Variants in RANBP17 observed in about 807,000 individuals in gnomAD.
RANBP17 encodes ran-binding protein 17.
A neutral mutation model predicts 141.2 loss-of-function variants in RANBP17; 158 were observed. The ratio of observed to expected loss-of-function variants is 1.12; its 90% CI spans 0.98 to 1.28. RANBP17 has a LOEUF of 1.28. Ranked by LOEUF, RANBP17 falls within the 50% of genes most tolerant of loss-of-function variation. RANBP17 has a pLI of 0.00. For missense variants in RANBP17, 1,438 were observed against 1,290.7 expected (o/e 1.11, Z -1.75); for synonymous variants, 430 against 450.0 (o/e 0.96, Z 0.56).
intron 14 of RANBP17, among the ~76,000 whole-genome samples, chr5:171,155,087 A>AT: frequency 1.8e-5 from 2 of 109,448 alleles, no homozygotes; most frequent in African/African-American, 7.2e-5. Context: ...AGAAAAAAAA[A>AT]AAAAAAAATA....
intron 12 of RANBP17, among the ~76,000 whole-genome samples, chr5:170,929,265 T>C (rs1351887940): frequency 6.6e-6 from 1 of 152,022 alleles, no homozygotes; most frequent in African/African-American, 2.4e-5. Context: ...TCCAGTACAG[T>C]GTTGAATAAA....
intron 21 of RANBP17, among the ~76,000 whole-genome samples, chr5:171,214,993 C>G (rs1763131285): frequency 6.6e-6 from 1 of 152,038 alleles, no homozygotes; most frequent in South Asian, 2.1e-4. Context: ...CAACCCAACC[C>G]ATCACCTAGG....
At chr5:171,226,086 A>G (rs1015756305) in intron 22 of RANBP17, among the ~76,000 whole-genome samples, 7 of 152,216 alleles carry the variant, frequency 4.6e-5, no homozygotes, top group Non-Finnish European at 7.3e-5. Context: ...ATGTATTTCA[A>G]AACTTAGTGC....
Position 170,896,124 on chromosome 5 carries a change from G to A in RANBP17, c.489+9G>A, listed in dbSNP as rs1206192062. The A allele has an allele frequency of 1.3e-6, 2 of 1,591,298 alleles. No individual in the cohort carries two copies. The highest frequency in any genetic ancestry group is 1.7e-6 in the Non-Finnish European group (2 of 1,164,408). ...CTCAGGAAATGAACCTGGTAAGCGAGCCTTTCCATCTAACAGGAGCCTGAG... is the reference window on the plus strand; with the variant it reads ...CTCAGGAAATGAACCTGGTAAGCGAACCTTTCCATCTAACAGGAGCCTGAG... On this transcript the variant is annotated intron_variant, in intron 5 of 27. Transcript: ENST00000523189.
chr5:171,062,153 A>G (rs1429549062), intron 14 of RANBP17, among the ~76,000 whole-genome samples: 2 of 151,740 alleles, frequency 1.3e-5, no homozygotes, highest in Non-Finnish European at 2.9e-5. Context: ...CATTTAGTCC[A>G]TTTACATTTA....
intron 22 of RANBP17, among the ~76,000 whole-genome samples, chr5:171,233,690 G>C (rs1207132463): frequency 6.6e-6 from 1 of 152,216 alleles, no homozygotes; most frequent in African/African-American, 2.4e-5. Flanking sequence ...TTCTGGAAAA[G>C]GGAAAACTAT....
At position 171,111,693 on chromosome 5, in the gene RANBP17, G is replaced by T. The variant is rs539164568; in HGVS notation, c.1711-58437G>T. 5.9e-5 allele frequency among the ~76,000 whole-genome samples: 9 copies of T among 152,172 alleles called. No homozygotes were observed. In the South Asian group the frequency reaches 1.9e-3, roughly 32 times the overall value. On this transcript the variant is annotated intron_variant, in intron 14 of 27. Coordinates refer to ENST00000523189, the MANE Select transcript of RANBP17 (RefSeq NM_022897.5). ...TTGATGTGCTCCTTCACTACTTTTG[G>T]GCCCTCCTACATGCTCTTCCTTTTC...
intron 14 of RANBP17, among the ~76,000 whole-genome samples, chr5:171,167,487 A>G (rs1002309116): frequency 2.6e-5 from 4 of 152,176 alleles, no homozygotes; most frequent in African/African-American, 9.6e-5. Context: ...GTAATTTGAG[A>G]TAATGCCATG....
intron 14 of RANBP17, among the ~76,000 whole-genome samples, chr5:171,012,353 T>G (rs1581393940): frequency 6.6e-6 from 1 of 152,176 alleles, no homozygotes; most frequent in East Asian, 1.9e-4. Flanking sequence ...ATGAAGGAAA[T>G]GAACTGATAT....
At chr5:171,092,977 T>A (rs1038028256) in intron 14 of RANBP17, among the ~76,000 whole-genome samples, 8 of 152,222 alleles carry the variant, frequency 5.3e-5, no homozygotes, top group African/African-American at 1.9e-4. Flanking sequence ...GCCTGTGAAT[T>A]TGTGGGAAGA....
intron 4 of RANBP17, among the ~76,000 whole-genome samples, chr5:170,894,668 G>A (rs765625319): frequency 5.3e-5 from 8 of 151,742 alleles, no homozygotes; most frequent in Non-Finnish European, 1.0e-4. Context: ...CTGAACTTTT[G>A]TGCATTCTCT....
At chr5:170,987,013 T>A (rs1418900710) in intron 14 of RANBP17, among the ~76,000 whole-genome samples, 1 of 151,890 alleles carries the variant, frequency 6.6e-6, no homozygotes, top group Admixed American at 6.6e-5. Flanking sequence ...AACTTGTATG[T>A]TTGTATTTGA....
chr5:171,285,723 A>G (rs749544286), intron 25 of RANBP17, among the ~76,000 whole-genome samples: 46 of 152,228 alleles, frequency 3.0e-4, no homozygotes, highest in Non-Finnish European at 5.1e-4. Flanking sequence ...AGATTCAGGA[A>G]TGAGACTCAC....
At chr5:171,201,247 T>C (rs1561758318) in intron 19 of RANBP17, among the ~76,000 whole-genome samples, 2 of 152,150 alleles carry the variant, frequency 1.3e-5, no homozygotes, top group Non-Finnish European at 2.9e-5. Flanking sequence ...TTGATTACAC[T>C]TTAACGGTAT....
intron 12 of RANBP17, among the ~76,000 whole-genome samples, chr5:170,934,055 C>T (rs545299865): frequency 6.6e-6 from 1 of 152,212 alleles, no homozygotes; most frequent in East Asian, 1.9e-4. Flanking sequence ...GTCTAAGTCT[C>T]TTTTTAGGTC....
intron 13 of RANBP17, among the ~76,000 whole-genome samples, chr5:170,962,089 G>C (rs986347855): frequency 3.9e-5 from 6 of 152,188 alleles, no homozygotes; most frequent in African/African-American, 1.4e-4. Flanking sequence ...AAGATGGAAG[G>C]AACCTGAGCC....
At chr5:170,864,938 ATTAT>A (rs547619263) in intron 1 of RANBP17, among the ~76,000 whole-genome samples, 25 of 152,310 alleles carry the variant, frequency 1.6e-4, no homozygotes, top group African/African-American at 5.3e-4. Flanking sequence ...AACTGGAGAG[ATTAT>A]TTATGATTTA....
At chr5:171,168,613 G>A (rs899963300) in intron 14 of RANBP17, among the ~76,000 whole-genome samples, 1 of 152,078 alleles carries the variant, frequency 6.6e-6, no homozygotes, top group Non-Finnish European at 1.5e-5. Flanking sequence ...TGTGATTATT[G>A]AGGATTGTTG....
intron 14 of RANBP17, among the ~76,000 whole-genome samples, chr5:171,057,926 G>A (rs1783517794): frequency 6.6e-6 from 1 of 152,020 alleles, no homozygotes; most frequent in South Asian, 2.1e-4. Context: ...GATTACAATT[G>A]GAGGTGAGAT....
Sources: gnomAD v4.1 joint callset for allele counts (sites outside exome capture counted in the v4.1 genomes callset) on GRCh38, gnomAD v4.1.1 for gene constraint, MANE v1.5 for transcripts, NCBI Gene and HGNC (gene_info 2026-07-23, HGNC 2026-07-21) for gene names.